CFLAR: variants seen among roughly 807,000 people sequenced by gnomAD.
CFLAR encodes the protein CASP8 and FADD-like apoptosis regulator.
CFLAR carries 14 observed loss-of-function variants against 51.1 expected under a neutral mutation model. That is an observed-to-expected ratio of 0.27 (90% confidence interval 0.18 to 0.43). CFLAR has a LOEUF of 0.43. Among genes scored for constraint, CFLAR ranks in the 20% least tolerant of loss-of-function variants. The pLI is 1.00. For synonymous variants in CFLAR, 210 were observed against 211.6 expected (o/e 0.99, Z 0.06); for missense variants, 390 against 566.5 (o/e 0.69, Z 3.16).
Position 201,160,552 on chromosome 2 carries a change from A to G in CFLAR, c.914A>G (p.Tyr305Cys), listed in dbSNP as rs765926898. The change falls in exon 9 of 10, where the codon TAC becomes TGC. Residue 305 changes from tyrosine (Y) to cysteine (C), a missense_variant. Physicochemically the swap from Tyr to Cys is radical, Grantham distance 194. Around this residue, in one of 2 missense-constraint regions of CFLAR, gnomAD observed 287 missense variants for 363.6 expected, o/e 0.79. Transcript: ENST00000309955. ...QFACMPEHRD[Y>C]DSFVCVLVSR... is the part of the protein sequence containing the mutation. ...GCCTGTATGCCCGAGCACCGAGACT[A>G]CGACAGCTTTGTGTGTGTCCTGGTG... is the stretch of plus-strand genomic sequence containing the variant. 6.2e-7 allele frequency: 1 copy of G among 1,613,474 alleles called. No homozygotes were observed. The highest frequency in any genetic ancestry group is 1.7e-5 in the Admixed American group (1 of 59,964).
intron 1 of CFLAR, among the ~76,000 whole-genome samples, chr2:201,123,309 G>C (rs745310751): frequency 6.6e-6 from 1 of 152,116 alleles, no homozygotes; most frequent in Non-Finnish European, 1.5e-5. Context: ...AGTCTGTTTT[G>C]TGCTGCTATA....
intron 1 of CFLAR, among the ~76,000 whole-genome samples, chr2:201,121,686 G>A (rs987004410): frequency 1.3e-5 from 2 of 152,116 alleles, no homozygotes; most frequent in Non-Finnish European, 2.9e-5. Context: ...CTCCCAAAGG[G>A]CCAAGTTTGG....
chr2:201,143,031 C>T (rs1939302629), intron 5 of CFLAR, among the ~76,000 whole-genome samples: 1 of 152,120 alleles, frequency 6.6e-6, no homozygotes, highest in African/African-American at 2.4e-5. Flanking sequence ...TATTGTCTGT[C>T]TAATATAAAT....
chr2:201,156,715 T>G (rs912783521), intron 8 of CFLAR, among the ~76,000 whole-genome samples: 33 of 149,524 alleles, frequency 2.2e-4, no homozygotes, highest in East Asian at 2.0e-4. Context: ...CCCCTGCCCT[T>G]CCCCTCCCCA....
intron 2 of CFLAR, among the ~76,000 whole-genome samples, chr2:201,130,871 T>C (rs1423690591): frequency 1.3e-5 from 2 of 152,186 alleles, no homozygotes; most frequent in African/African-American, 4.8e-5. Flanking sequence ...TAATTTGTGG[T>C]ACAAAGAAAG....
intron 4 of CFLAR, chr2:201,137,639 G>T: frequency 1.3e-6 from 1 of 758,486 alleles, no homozygotes; most frequent in South Asian, 1.3e-5. Flanking sequence ...CAGACAGGCT[G>T]TGGGCCCCGA....
At chr2:201,128,722 A>G (rs1484777896) in intron 1 of CFLAR, among the ~76,000 whole-genome samples, 4 of 152,230 alleles carry the variant, frequency 2.6e-5, no homozygotes, top group African/African-American at 9.6e-5. Context: ...TTTTTTGTTA[A>G]TAAATTTGAT....
At chr2:201,119,566 T>G (rs1390217744) in intron 1 of CFLAR, among the ~76,000 whole-genome samples, 1 of 149,796 alleles carries the variant, frequency 6.7e-6, no homozygotes, top group Non-Finnish European at 1.5e-5. Flanking sequence ...ATTATTGGAA[T>G]GCCCTGTCTC....
Position 201,158,847 on chromosome 2 carries a change from CTCA to C in CFLAR, c.794-1580_794-1578del, listed in dbSNP as rs770642528. Among the ~76,000 whole-genome samples, 644 of 144,912 alleles carry C rather than the reference CTCA, an allele frequency of 4.4e-3. 10 individuals carry two copies. The highest frequency in any genetic ancestry group is 4.8e-3 in the African/African-American group (189 of 39,296). Reference sequence around the variant, plus strand: ...CAGAGATCCTGTAACGGCATTTGCCCTCATCATTATTATTATTATTATTATTAT... The same window carrying C: ...CAGAGATCCTGTAACGGCATTTGCCCTCATTATTATTATTATTATTATTAT... On this transcript the variant is annotated intron_variant, in intron 8 of 9. Transcript: ENST00000309955.
chr2:201,147,412 C>T (rs1940417962), intron 6 of CFLAR, among the ~76,000 whole-genome samples: 1 of 151,960 alleles, frequency 6.6e-6, no homozygotes, highest in South Asian at 2.1e-4. Flanking sequence ...GCCTGTAGTC[C>T]CAGATACTCG....
At position 201,167,048 on chromosome 2, in the gene CFLAR, A is replaced by G. The variant is rs1321938055; in HGVS notation, c.*3075A>G. On this transcript the variant is annotated 3_prime_UTR_variant, in exon 10 of 10. Transcript: ENST00000309955. ...CCTCTGGGCAGTGTGTCAGAATACCACTTTTTAAATATTTTATGATTTATT... is the reference window on the plus strand; with the variant it reads ...CCTCTGGGCAGTGTGTCAGAATACCGCTTTTTAAATATTTTATGATTTATT... 1.3e-5 allele frequency: 2 copies of G among 149,180 alleles called. No homozygotes were observed. The highest frequency in any genetic ancestry group is 3.0e-5 in the Non-Finnish European group (2 of 67,236). The allele number at this position is 149,180 out of a possible 1,614,324, so 9.2% of individuals were successfully genotyped here. A position where few individuals can be genotyped will look rare whatever the true frequency, so the allele number is the denominator to read the frequency against.
intron 8 of CFLAR, 32 bp downstream of exon 8, chr2:201,149,867 C>A (rs1437406965): frequency 1.3e-6 from 2 of 1,530,318 alleles, no homozygotes; most frequent in South Asian, 1.1e-5. Flanking sequence ...TAACTGGTGC[C>A]CCCAGATTGA....
intron 6 of CFLAR, chr2:201,146,635 T>G (rs1940237639): frequency 6.6e-6 from 1 of 152,242 alleles, no homozygotes. Flanking sequence ...GAGCTGAGAC[T>G]CAGTCTTACA....
Position 201,164,278 on chromosome 2 carries a change from T to TTA in CFLAR, c.*305_*306insTA. 6.5e-6 allele frequency: 1 copy of TTA among 153,080 alleles called. No individual in the cohort carries two copies. The highest frequency in any genetic ancestry group is 1.4e-5 in the Non-Finnish European group (1 of 72,094). 9.5% of individuals were successfully genotyped at this position (153,080 alleles called of 1,614,324 possible). ...GCAATATAGCAAGATCCCATCTCTTTAAAAAAAAAAAAAAAGGACAGGAAC... is the reference window on the plus strand; with the variant it reads ...GCAATATAGCAAGATCCCATCTCTTTTAAAAAAAAAAAAAAAAGGACAGGAAC... On this transcript the variant is annotated 3_prime_UTR_variant, in exon 10 of 10. Transcript: ENST00000309955.
In CFLAR at chr2:201,167,608, A is replaced by T. The variant is rs1375228569; in HGVS notation, c.*3635A>T. On this transcript the variant is annotated 3_prime_UTR_variant, in exon 10 of 10. Transcript: ENST00000309955. ...ACTCCTGAGGGTATCTTTGCATTTA[A>T]TATTACATAGGGGTGCCAGTGGGAA... 6.6e-6 allele frequency: 1 copy of T among 152,248 alleles called. No homozygotes were observed. Among genetic ancestry groups the T allele is most frequent in the African/African-American group, 2.4e-5 (1 of 41,464 alleles). 9.4% of individuals were successfully genotyped at this position (152,248 alleles called of 1,614,324 possible).
chr2:201,139,996 G>A (rs1238715136), intron 4 of CFLAR: 8 of 292,186 alleles, frequency 2.7e-5, no homozygotes, highest in African/African-American at 4.6e-5. Context: ...CGACCACGTA[G>A]CCGGTGCTGC....
At chr2:201,119,667 T>C (rs960056933) in intron 1 of CFLAR, among the ~76,000 whole-genome samples, 11 of 152,194 alleles carry the variant, frequency 7.2e-5, no homozygotes, top group Admixed American at 7.2e-4. Flanking sequence ...GCTCAGCGGC[T>C]GTCTTTGCAC....
Position 201,167,961 on chromosome 2 carries a change from A to C in CFLAR, c.*3988A>C, listed in dbSNP as rs746274078. The stretch of plus-strand genomic sequence containing the variant: ...ATTGTTATGAGATTAAAATGTTTGG[A>C]GGCCGGGTGCGGTGGCTCACGCCTA... On this transcript the variant is annotated 3_prime_UTR_variant, in exon 10 of 10. Transcript: ENST00000309955. 6.6e-5 allele frequency: 10 copies of C among 152,212 alleles called. No individual in the cohort carries two copies. The highest frequency in any genetic ancestry group is 1.5e-4 in the Non-Finnish European group (10 of 68,036). The allele number at this position is 152,212 out of a possible 1,614,324, so 9.4% of individuals were successfully genotyped here. A position where few individuals can be genotyped will look rare whatever the true frequency, so the allele number is the denominator to read the frequency against.
intron 8 of CFLAR, among the ~76,000 whole-genome samples, chr2:201,156,936 A>G (rs1942276393): frequency 2.0e-5 from 3 of 152,180 alleles, no homozygotes; most frequent in Admixed American, 2.0e-4. Context: ...CCTACATAGG[A>G]TATGGACTCT....
Sources: allele counts gnomAD v4.1 joint callset (sites outside exome capture counted in the v4.1 genomes callset), GRCh38; gene constraint gnomAD v4.1.1; regional missense constraint gnomAD v4.1.1; transcripts MANE v1.5; gene names NCBI Gene and HGNC (gene_info 2026-07-23, HGNC 2026-07-21).